The following VPS13B variants were observed in gnomAD, a reference collection of about 807,000 sequenced individuals.
The protein encoded by VPS13B is vacuolar protein sorting 13 homolog B.
In VPS13B, 285 loss-of-function variants were observed where a neutral mutation model predicts 426.4. The ratio of observed to expected loss-of-function variants is 0.67; its 90% CI spans 0.61 to 0.74. VPS13B has a LOEUF of 0.74. VPS13B is among the 30% of genes least tolerant of loss of function. VPS13B has a pLI of 0.00. For synonymous variants in VPS13B, 1,676 were observed against 1,676.4 expected (o/e 1.00, Z 0.01); for missense variants, 4,537 against 4,782.6 (o/e 0.95, Z 1.51).
intron 35 of VPS13B, among the ~76,000 whole-genome samples, chr8:99,692,695 G>C (rs1453742127): frequency 2.2e-5 from 3 of 136,676 alleles, no homozygotes; most frequent in Non-Finnish European, 4.6e-5. Flanking sequence ...ACTAAAATCA[G>C]AGCAGAACTG....
Position 99,577,625 on chromosome 8 carries a change from G to C in VPS13B, c.5212G>C (p.Ala1738Pro), listed in dbSNP as rs572817378. The change falls in exon 33 of 62, where the codon GCT becomes CCT. Residue 1738 changes from alanine (A) to proline (P), a missense_variant. Around this residue, in one of 2 missense-constraint regions of VPS13B, gnomAD observed 4,311 missense variants for 4,474.3 expected, o/e 0.96. Coordinates refer to ENST00000357162, the MANE Select transcript of VPS13B (RefSeq NM_152564.5). The part of the protein sequence containing the change: ...NMTGLEPSNK[A>P]AEISKQEQKK... The stretch of plus-strand genomic sequence containing the variant: ...GACTGGACTGGAACCATCAAACAAG[G>C]CTGCAGAGGTAACTGTTACCTGATT... 4 of 1,613,534 alleles carry C rather than the reference G, an allele frequency of 2.5e-6. No individual in the cohort carries two copies. The South Asian group carries it at 4.4e-5, about 18-fold the overall frequency.
chr8:99,596,088 A>G (rs1826997355), intron 33 of VPS13B, among the ~76,000 whole-genome samples: 1 of 152,002 alleles, frequency 6.6e-6, no homozygotes, highest in African/African-American at 2.4e-5. Flanking sequence ...CTACTGCTCC[A>G]GTGACATTTG....
intron 30 of VPS13B, among the ~76,000 whole-genome samples, chr8:99,554,029 C>CA (rs1034818329): frequency 1.9e-3 from 269 of 144,400 alleles, no homozygotes; most frequent in African/African-American, 5.6e-3. Flanking sequence ...AATTTAAGTC[C>CA]AAAAAAAAAA....
rs988013981 is a variant in VPS13B at position 99,460,734 on chromosome 8, G to T, written c.3446-6680G>T. On this transcript the variant is annotated intron_variant, in intron 23 of 61. Transcript: ENST00000357162. ...TATAAAATTATTGGTTGACTGTTTT[G>T]TTTTTTTTTTCTTCCTTGGTAGTGT... Among the ~76,000 whole-genome samples the T allele has an allele frequency of 2.0e-5, 3 of 148,764 alleles. No homozygotes were observed. The South Asian group carries it at 6.4e-4, about 32-fold the overall frequency.
intron 21 of VPS13B, among the ~76,000 whole-genome samples, chr8:99,392,681 G>A (rs940299490): frequency 1.3e-5 from 2 of 151,900 alleles, no homozygotes; most frequent in Non-Finnish European, 2.9e-5. Context: ...TATTTAAGTC[G>A]TATTTAACAA....
At chr8:99,298,866 A>G (rs191081919) in intron 19 of VPS13B, among the ~76,000 whole-genome samples, 1 of 152,240 alleles carries the variant, frequency 6.6e-6, no homozygotes, top group Admixed American at 6.5e-5. Flanking sequence ...TGTTTTTAGG[A>G]TTAAAGGTAG....
chr8:99,857,596 G>C (rs983021045), intron 56 of VPS13B, among the ~76,000 whole-genome samples: 1 of 152,168 alleles, frequency 6.6e-6, no homozygotes, highest in Non-Finnish European at 1.5e-5. Flanking sequence ...TGGAAACCCA[G>C]CCCACAGGTG....
Position 99,106,454 on chromosome 8 carries a change from A to AC in VPS13B, c.580+3337dup, listed in dbSNP as rs398009007. Among the ~76,000 whole-genome samples, 104 of 148,774 alleles carry AC rather than the reference A, an allele frequency of 7.0e-4. 1 individual carries two copies. Among genetic ancestry groups the AC allele is most frequent in the Non-Finnish European group, 1.1e-3 (74 of 67,090 alleles). On this transcript the variant is annotated intron_variant, in intron 5 of 61. Transcript: ENST00000357162. The stretch of plus-strand genomic sequence containing the variant: ...CACCTCAAAAAAAAAAAAAAAAAAA[A>AC]CCCAAAACAAACAAACAAACAAAAA...
intron 47 of VPS13B, 108 bp from the exon 48 acceptor site, chr8:99,819,304 C>T (rs1213962089): frequency 2.5e-5 from 33 of 1,334,296 alleles, no homozygotes; most frequent in Non-Finnish European, 3.5e-5. Flanking sequence ...CTCTATCTAC[C>T]AAAAAGGTGT....
At position 99,464,280 on chromosome 8, in the gene VPS13B, T is replaced by A. The variant is rs117609979; in HGVS notation, c.3446-3134T>A. On this transcript the variant is annotated intron_variant, in intron 23 of 61. Transcript: ENST00000357162. ...CTAAGGTAATGAAAACAAAGAAAAC[T>A]GAGGAAAGTATCTCCAATATTGACC... is the stretch of plus-strand genomic sequence containing the variant. 1.5e-4 allele frequency among the ~76,000 whole-genome samples: 23 copies of A among 152,316 alleles called. No homozygotes were observed. In the East Asian group the frequency reaches 4.3e-3, roughly 28 times the overall value.
At chr8:99,868,736 G>A (rs1342483439) in intron 59 of VPS13B, among the ~76,000 whole-genome samples, 1 of 152,210 alleles carries the variant, frequency 6.6e-6, no homozygotes, top group Non-Finnish European at 1.5e-5. Context: ...TTTAGAGGTT[G>A]AGGGCAGAAT....
intron 29 of VPS13B, among the ~76,000 whole-genome samples, chr8:99,516,210 G>A (rs1822060026): frequency 2.0e-5 from 3 of 152,030 alleles, no homozygotes; most frequent in Admixed American, 2.0e-4. Flanking sequence ...CCATGAAAAG[G>A]TCAGAAAACA....
At chr8:99,093,334 C>G (rs1306207212) in intron 3 of VPS13B, among the ~76,000 whole-genome samples, 1 of 151,664 alleles carries the variant, frequency 6.6e-6, no homozygotes, top group Non-Finnish European at 1.5e-5. Flanking sequence ...CTATGCTATT[C>G]AAAGCACCTC....
In VPS13B at chr8:99,762,405, G is replaced by A. The variant is rs1810978935; in HGVS notation, c.7051-4369G>A. On this transcript the variant is annotated intron_variant, in intron 39 of 61. Coordinates refer to ENST00000357162, the MANE Select transcript of VPS13B (RefSeq NM_152564.5). ...TCTTCCACCGCTGGTTGTTATGAGTGTCTTAAACCACAGGGCTGACCCACT... is the reference window on the plus strand; with the variant it reads ...TCTTCCACCGCTGGTTGTTATGAGTATCTTAAACCACAGGGCTGACCCACT... 2.0e-5 allele frequency among the ~76,000 whole-genome samples: 3 copies of A among 152,110 alleles called. No homozygotes were observed. In the South Asian group the frequency reaches 6.2e-4, roughly 32 times the overall value.
chr8:99,862,465 ATAGT>A (rs1196504040), intron 58 of VPS13B, among the ~76,000 whole-genome samples: 1 of 152,224 alleles, frequency 6.6e-6, no homozygotes, highest in Non-Finnish European at 1.5e-5. Context: ...GCCAGATGGT[ATAGT>A]TAGAGGTGAA....
chr8:99,321,210 CTTT>C (rs58817658), intron 19 of VPS13B, among the ~76,000 whole-genome samples: 7 of 93,982 alleles, frequency 7.4e-5, no homozygotes, highest in Non-Finnish European at 8.7e-5. Context: ...TTTTCTTTTT[CTTT>C]TTTTTTTTTT....
intron 59 of VPS13B, among the ~76,000 whole-genome samples, chr8:99,869,290 A>G (rs1817268908): frequency 6.6e-6 from 1 of 152,214 alleles, no homozygotes; most frequent in South Asian, 2.1e-4. Context: ...CTGTGTCTGC[A>G]TCCGCATCTG....
chr8:99,768,517 A>G (rs1811338342), intron 40 of VPS13B, among the ~76,000 whole-genome samples: 2 of 152,224 alleles, frequency 1.3e-5, no homozygotes, highest in Admixed American at 1.3e-4. Flanking sequence ...CATTTGGAAA[A>G]TAAAACAATA....
chr8:99,186,748 G>A (rs1436286882), intron 16 of VPS13B, among the ~76,000 whole-genome samples: 1 of 152,042 alleles, frequency 6.6e-6, no homozygotes, highest in African/African-American at 2.4e-5. Context: ...TGTATAATTG[G>A]CGTGTTTATT....
Sources: allele counts gnomAD v4.1 joint callset (sites outside exome capture counted in the v4.1 genomes callset), GRCh38; gene constraint gnomAD v4.1.1; regional missense constraint gnomAD v4.1.1; transcripts MANE v1.5; gene names NCBI Gene and HGNC (gene_info 2026-07-23, HGNC 2026-07-21).